The following UBE2K variants were observed in gnomAD, a reference collection of about 807,000 sequenced individuals.
The protein encoded by UBE2K is ubiquitin-conjugating enzyme E2 K.
A neutral mutation model predicts 30.0 loss-of-function variants in UBE2K; 6 were observed. The ratio of observed to expected loss-of-function variants is 0.20; its 90% confidence interval spans 0.11 to 0.39. The LOEUF (loss-of-function observed/expected upper bound fraction) is 0.39, where lower values mean the gene tolerates loss of function less well. Among genes scored for constraint, UBE2K ranks in the 10% least tolerant of loss-of-function variants. UBE2K has a pLI of 1.00. For missense variants in UBE2K, 61 were observed against 241.6 expected, an observed-to-expected ratio of 0.25 and a Z score of 4.96; for synonymous variants, 86 against 83.7, an observed-to-expected ratio of 1.03 and a Z score of -0.15.
intron 1 of UBE2K, among the ~76,000 whole-genome samples, chr4:39,727,869 C>T (rs1011479995): frequency 1.3e-5 from 2 of 152,084 alleles, no homozygotes; most frequent in Admixed American, 6.5e-5. Flanking sequence ...CAGTGGCTCA[C>T]GCCTGTAATC....
intron 4 of UBE2K, 98 bp downstream of exon 4, chr4:39,755,837 T>C: frequency 1.2e-6 from 1 of 860,328 alleles, no homozygotes; most frequent in South Asian, 1.6e-5. Flanking sequence ...TATTATACTT[T>C]ATCTTGTTTG....
At chr4:39,748,310 C>A (rs995454735) in intron 3 of UBE2K, among the ~76,000 whole-genome samples, 7 of 152,112 alleles carry the variant, frequency 4.6e-5, no homozygotes, top group Admixed American at 3.9e-4. Context: ...CTTAGTGCAG[C>A]CTTTAACTCC....
At chr4:39,745,055 C>T (rs1720918687) in intron 2 of UBE2K, among the ~76,000 whole-genome samples, 1 of 151,894 alleles carries the variant, frequency 6.6e-6, no homozygotes, top group Non-Finnish European at 1.5e-5. Context: ...GAGACAAGGA[C>T]TTGCTATATT....
chr4:39,757,011 G>GTTTTTTTTTTTTTTTTTTTT (rs1354761879), intron 4 of UBE2K, among the ~76,000 whole-genome samples: 2 of 76,824 alleles, frequency 2.6e-5, no homozygotes, highest in African/African-American at 5.3e-5. Flanking sequence ...TTTTTTTTTT[G>GTTTTTTTTTTTTTTTTTTTT]TTTTTTGTTT....
chr4:39,747,601 AT>A (rs1162554073), intron 3 of UBE2K, among the ~76,000 whole-genome samples: 1 of 151,964 alleles, frequency 6.6e-6, no homozygotes, highest in Non-Finnish European at 1.5e-5. Context: ...GTTAATGGAT[AT>A]TTGGATTTTG....
At chr4:39,703,291 C>T (rs1350369881) in intron 1 of UBE2K, among the ~76,000 whole-genome samples, 3 of 151,822 alleles carry the variant, frequency 2.0e-5, no homozygotes, top group Non-Finnish European at 2.9e-5. Context: ...GGCTGAGACT[C>T]GATTGAGGCC....
chr4:39,714,869 GAC>G (rs1465506672), intron 1 of UBE2K, among the ~76,000 whole-genome samples: 1 of 150,678 alleles, frequency 6.6e-6, no homozygotes, highest in African/African-American at 2.4e-5. Context: ...ATTTTTAAGA[GAC>G]AGGTCTCACT....
intron 2 of UBE2K, among the ~76,000 whole-genome samples, chr4:39,740,741 T>C (rs1052817515): frequency 4.0e-5 from 6 of 148,922 alleles, no homozygotes; most frequent in African/African-American, 1.5e-4. Context: ...TGGGCGCCTG[T>C]AGTCCCAGCT....
intron 1 of UBE2K, among the ~76,000 whole-genome samples, chr4:39,724,807 A>G (rs1719648163): frequency 2.0e-5 from 3 of 151,794 alleles, no homozygotes; most frequent in Admixed American, 6.6e-5. Flanking sequence ...TTTACTAGGT[A>G]AAAGTAACTG....
intron 1 of UBE2K, among the ~76,000 whole-genome samples, chr4:39,728,681 A>G (rs1432035411): frequency 6.7e-6 from 1 of 148,868 alleles, no homozygotes; most frequent in East Asian, 2.0e-4. Context: ...TCTGTCCCCC[A>G]GGTGGGGAGT....
chr4:39,775,142 A>C (rs1392344089), intron 5 of UBE2K, among the ~76,000 whole-genome samples: 2 of 152,252 alleles, frequency 1.3e-5, no homozygotes, highest in Non-Finnish European at 2.9e-5. Context: ...CTGTTTTCCT[A>C]ACATGAGTAT....
In UBE2K at chr4:39,747,589, C is replaced by T. The variant is rs1029517328; in HGVS notation, c.216+1779C>T. ...GACCATATTTTGTTTTCTTATTCAG[C>T]TGTTAATGGATATTTGGATTTTGTT... On this transcript the variant is annotated intron_variant, in intron 3 of 6. Transcript: ENST00000261427. Among the ~76,000 whole-genome samples the T allele has an allele frequency of 2.6e-5, 4 of 152,122 alleles. No homozygotes were observed. The East Asian group carries it at 7.7e-4, about 29-fold the overall frequency.
At chr4:39,746,350 CAG>C (rs771945175) in intron 3 of UBE2K, among the ~76,000 whole-genome samples, 8 of 152,286 alleles carry the variant, frequency 5.3e-5, no homozygotes, top group Non-Finnish European at 1.0e-4. Flanking sequence ...TCATGTATAA[CAG>C]GGGGACCCAA....
Position 39,781,976 on chromosome 4 carries a change from G to C in UBE2K, c.*3542G>C. On this transcript the variant is annotated 3_prime_UTR_variant, in exon 7 of 7. Transcript: ENST00000261427. The stretch of plus-strand genomic sequence containing the variant: ...TATTCCCAAGTGTGACTTTTCTTCA[G>C]TGTCTACATATTATGTCACACGTTC... 1 of 398,416 alleles carries C rather than the reference G, an allele frequency of 2.5e-6. No individual in the cohort carries two copies. The highest frequency in any genetic ancestry group is 3.6e-5 in the East Asian group (1 of 28,060). The allele number at this position is 398,416 out of a possible 1,614,324, so 24.7% of individuals were successfully genotyped here. A position where few individuals can be genotyped will look rare whatever the true frequency, so the allele number is the denominator to read the frequency against.
At chr4:39,736,769 A>G (rs1720403850) in intron 1 of UBE2K, among the ~76,000 whole-genome samples, 1 of 152,214 alleles carries the variant, frequency 6.6e-6, no homozygotes, top group Non-Finnish European at 1.5e-5. Context: ...GGTTTTTTGA[A>G]GTAGGTAGTT....
chr4:39,759,264 G>T (rs1289675753), intron 4 of UBE2K, among the ~76,000 whole-genome samples: 1 of 151,778 alleles, frequency 6.6e-6, no homozygotes, highest in Non-Finnish European at 1.5e-5. Context: ...ACTTATTTTA[G>T]TATATTTGTT....
Position 39,763,262 on chromosome 4 carries a change from T to C in UBE2K, c.299+7523T>C, listed in dbSNP as rs1005294078. On this transcript the variant is annotated intron_variant, in intron 4 of 6. Coordinates refer to ENST00000261427, the MANE Select transcript of UBE2K (RefSeq NM_005339.5). The stretch of plus-strand genomic sequence containing the variant: ...CCAGCCTTAAAACACTTTTTTTTTT[T>C]TTCTTTGAGACAGAGTTTCGCTCTT... Among the ~76,000 whole-genome samples the C allele has an allele frequency of 6.6e-5, 10 of 151,636 alleles. No individual in the cohort carries two copies. The East Asian group carries it at 1.7e-3, about 26-fold the overall frequency.
chr4:39,773,990 G>A (rs567576080), intron 4 of UBE2K, among the ~76,000 whole-genome samples: 1 of 152,144 alleles, frequency 6.6e-6, no homozygotes, highest in East Asian at 1.9e-4. Flanking sequence ...TTCAGAATTC[G>A]AGTTGTCTTA....
rs1718730207 is a variant in UBE2K at position 39,712,152 on chromosome 4, TCTCA to T, written c.63+13766_63+13769del. 2.0e-5 allele frequency among the ~76,000 whole-genome samples: 3 copies of T among 146,380 alleles called. No homozygotes were observed. In the South Asian group the frequency reaches 6.4e-4, roughly 31 times the overall value. ...CCCCCTTTTTTTTTTGGAGATGGAG[TCTCA>T]CTCTGTTGCCCAGGCTGGAGTGCAA... is the stretch of plus-strand genomic sequence containing the variant. On this transcript the variant is annotated intron_variant, in intron 1 of 6. Coordinates refer to ENST00000261427, the MANE Select transcript of UBE2K (RefSeq NM_005339.5).
Sources: allele counts gnomAD v4.1 joint callset (sites outside exome capture counted in the v4.1 genomes callset), GRCh38; gene constraint gnomAD v4.1.1; transcripts MANE v1.5; gene names NCBI Gene and HGNC (gene_info 2026-07-23, HGNC 2026-07-21).